KLK3: variants seen among roughly 807,000 people sequenced by gnomAD.
The protein encoded by KLK3 is prostate-specific antigen.
KLK3 carries 23 observed loss-of-function variants against 27.7 expected under a neutral mutation model. That is an observed-to-expected ratio of 0.83 (90% CI 0.60 to 1.17). The LOEUF is 1.17. KLK3 is among the 50% of genes most tolerant of loss of function. The probability of loss-of-function intolerance (pLI) is 0.00; values close to 1 mark genes in which losing one functional copy is unlikely to be tolerated. For missense variants in KLK3, 322 were observed against 338.1 expected (o/e 0.95, Z 0.37); for synonymous variants, 142 against 134.2 (o/e 1.06, Z -0.40).
rs757986467 is a variant in KLK3 at position 50,859,641 on chromosome 19, C to T, written c.631-331C>T. On this transcript the variant is annotated intron_variant, in intron 4 of 4. Transcript: ENST00000326003. ...GTCAGAGAGTAGTCCTGGAAGGTGG[C>T]CTCTGTGAGGAGCCACGGGGACAGC... 15 of 1,610,354 alleles carry T rather than the reference C, an allele frequency of 9.3e-6. No homozygotes were observed. The Admixed American group carries it at 2.0e-4, about 21-fold the overall frequency.
Position 50,859,658 on chromosome 19 carries a change from G to A in KLK3, c.631-314G>A, listed in dbSNP as rs768329109. 20 of 1,606,474 alleles carry A rather than the reference G, an allele frequency of 1.2e-5. No individual in the cohort carries two copies. In the East Asian group the frequency reaches 2.5e-4, roughly 20 times the overall value. Reference sequence around the variant, plus strand: ...GAAGGTGGCCTCTGTGAGGAGCCACGGGGACAGCATCCTGCAGATGGTCCT... The same window carrying A: ...GAAGGTGGCCTCTGTGAGGAGCCACAGGGACAGCATCCTGCAGATGGTCCT... On this transcript the variant is annotated intron_variant, in intron 4 of 4. Coordinates refer to ENST00000326003, the MANE Select transcript of KLK3 (RefSeq NM_001648.2).
chr19:50,859,412 TG>T, intron 4 of KLK3: 2 of 744,312 alleles, frequency 2.7e-6, no homozygotes, highest in Non-Finnish European at 4.6e-6. Context: ...GGAGTGATGA[TG>T]GGGCTGACCT....
chr19:50,857,635 C>T (rs965132016), intron 2 of KLK3: 2 of 170,354 alleles, frequency 1.2e-5, no homozygotes, highest in African/African-American at 4.8e-5. Context: ...TCTCATTCAT[C>T]TGTTTCTCAC....
Position 50,860,409 on chromosome 19 carries a change from A to C in KLK3, c.*282A>C, listed in dbSNP as rs1289720693. ...GGTGTCTGTGTTATTTGTGGGGTAC[A>C]GAGATGAAAGAGGGGTGGGATCCAC... On this transcript the variant is annotated 3_prime_UTR_variant, in exon 5 of 5. Transcript: ENST00000326003. 6.6e-6 allele frequency: 2 copies of C among 304,184 alleles called. No individual in the cohort carries two copies. Among genetic ancestry groups the C allele is most frequent in the Non-Finnish European group, 1.2e-5 (2 of 162,384 alleles). The allele number at this position is 304,184 out of a possible 1,614,324, so 18.8% of individuals were successfully genotyped here.
chr19:50,858,354 G>A lies in KLK3; in HGVS notation c.493+39G>A, dbSNP rs770207029. The A allele has an allele frequency of 2.5e-6, 4 of 1,604,128 alleles. No homozygotes were observed. The African/African-American group carries it at 5.4e-5, about 21-fold the overall frequency. Reference sequence around the variant, plus strand: ...AGATGGTGCAGCCGGGAGCCCAGATGCCTGGGTCTGAGGGAGGAGGGGACA... The same window carrying A: ...AGATGGTGCAGCCGGGAGCCCAGATACCTGGGTCTGAGGGAGGAGGGGACA... On this transcript the variant is annotated intron_variant, in intron 3 of 4. Transcript: ENST00000326003.
In KLK3 at chr19:50,858,052, G is replaced by C. The variant is rs140831892; in HGVS notation, c.230G>C (p.Arg77Pro). The stretch of plus-strand genomic sequence containing the variant: ...AGCAAAAGCGTGATCTTGCTGGGTC[G>C]GCACAGCCTGTTTCATCCTGAAGAC... ...IRNKSVILLG[R>P]HSLFHPEDTG... The change falls in exon 3 of 5, where the codon CGG becomes CCG. Residue 77 changes from arginine (R) to proline (P), a missense_variant. By Grantham distance (103) the Arg-to-Pro change is moderately radical. Transcript: ENST00000326003. 56 of 1,612,240 alleles carry C rather than the reference G, an allele frequency of 3.5e-5. No individual in the cohort carries two copies. In the Admixed American group the frequency reaches 9.2e-4, roughly 26 times the overall value.
chr19:50,859,478 G>A, intron 4 of KLK3: 1 of 1,490,182 alleles, frequency 6.7e-7, no homozygotes, highest in Admixed American at 1.7e-5. Flanking sequence ...CTCCCTCACA[G>A]GCTCCTGGCC....
At chr19:50,856,094 C>G (rs1212424997) in intron 1 of KLK3, 146 bp from the exon 2 acceptor site, 1 of 665,898 alleles carries the variant, frequency 1.5e-6, no homozygotes, top group Non-Finnish European at 2.6e-6. Context: ...CCTTTCCCAG[C>G]TCCCCCTGCC....
intron 4 of KLK3, 185 bp from the exon 5 acceptor site, chr19:50,859,787 G>A (rs2090173159): frequency 2.7e-6 from 4 of 1,468,446 alleles, no homozygotes; most frequent in African/African-American, 1.4e-5. Flanking sequence ...CAGGACTGGA[G>A]CCCCTACCCC....
Position 50,858,282 on chromosome 19 carries a change from G to A in KLK3, c.460G>A (p.Ala154Thr), listed in dbSNP as rs138273452. 50 of 1,613,874 alleles carry A rather than the reference G, an allele frequency of 3.1e-5. 1 individual carries two copies. The South Asian group carries it at 4.6e-4, about 15-fold the overall frequency. Residue 154 changes from alanine (A) to threonine (T), a missense_variant, in exon 3 of 5, where the codon GCC (alanine) becomes ACC (threonine). Coordinates refer to ENST00000326003, the MANE Select transcript of KLK3 (RefSeq NM_001648.2). ...QEPALGTTCY[A>T]SGWGSIEPEE... ...GCCAGCACTGGGGACCACCTGCTAC[G>A]CCTCAGGCTGGGGCAGCATTGAACC...
At chr19:50,855,032 G>A in intron 1 of KLK3, 31 bp downstream of exon 1, 1 of 1,611,288 alleles carries the variant, frequency 6.2e-7, no homozygotes, top group Non-Finnish European at 8.5e-7. Context: ...GGGGATGCAG[G>A]AGAGGGAGCC....
rs1030769084 is a variant in KLK3 at position 50,856,670 on chromosome 19, A to G, written c.206+271A>G. 13 of 419,718 alleles carry G rather than the reference A, an allele frequency of 3.1e-5. 1 individual carries two copies. The Admixed American group carries it at 5.4e-4, about 18-fold the overall frequency. The allele number at this position is 419,718 out of a possible 1,614,324, so 26.0% of individuals were successfully genotyped here. The stretch of plus-strand genomic sequence containing the variant: ...TTCGGTTGTGTCTCTCCGTGTGACT[A>G]TTTTGTTCTCTCTCTCCCTCTCTTC... On this transcript the variant is annotated intron_variant, in intron 2 of 4. Coordinates refer to ENST00000326003, the MANE Select transcript of KLK3 (RefSeq NM_001648.2).
intron 2 of KLK3, chr19:50,857,739 G>T: frequency 3.9e-5 from 11 of 283,950 alleles, no homozygotes; most frequent in Middle Eastern, 1.1e-3. Flanking sequence ...GTGTATTTTC[G>T]GCTCACCTTG....
At chr19:50,859,330 G>GCC (rs201505775) in intron 4 of KLK3, among the ~76,000 whole-genome samples, 57,803 of 151,990 alleles carry the variant, frequency 0.38, 11,516 homozygotes, top group African/African-American at 0.43. Context: ...GCCTGGCTCA[G>GCC]GTGTCCAGAG....
At chr19:50,855,537 G>A (rs748742833) in intron 1 of KLK3, 1 of 156,310 alleles carries the variant, frequency 6.4e-6, no homozygotes, top group Non-Finnish European at 1.4e-5. Context: ...TATCTGGCCT[G>A]AGACAACAAA....
intron 2 of KLK3, among the ~76,000 whole-genome samples, chr19:50,857,174 AAAAAAAAAAG>A (rs1568495641): frequency 2.0e-5 from 3 of 149,742 alleles, no homozygotes; most frequent in Non-Finnish European, 4.5e-5. Context: ...AAAAAAAAAA[AAAAAAAAAAG>A]AAAAGAAAAG....
Position 50,859,985 on chromosome 19 carries a change from G to A in KLK3, c.644G>A (p.Gly215Asp). Residue 215 changes from glycine to aspartate, a missense_variant, in exon 5 of 5, where the codon GGC becomes GAC. Transcript: ENST00000326003. ...GKSTCSGDSGGPLVCNGVLQG... is the reference protein window; with the variant it reads ...GKSTCSGDSGDPLVCNGVLQG... ...TTTTACCCTTAGGGTGATTCTGGGGGCCCACTTGTCTGTAATGGTGTGCTT... is the reference window on the plus strand; with the variant it reads ...TTTTACCCTTAGGGTGATTCTGGGGACCCACTTGTCTGTAATGGTGTGCTT... 6.2e-7 allele frequency: 1 copy of A among 1,612,822 alleles called. No individual in the cohort carries two copies. Among genetic ancestry groups the A allele is most frequent in the Non-Finnish European group, 8.5e-7 (1 of 1,179,102 alleles).
chr19:50,859,322 C>T (rs2090169466), intron 4 of KLK3, among the ~76,000 whole-genome samples: 1 of 117,760 alleles, frequency 8.5e-6, no homozygotes, highest in Admixed American at 7.8e-5. Context: ...AGGACAGGGC[C>T]TGGCTCAGGT....
At chr19:50,857,162 CAAAAAAAAAAA>C (rs560911495) in intron 2 of KLK3, among the ~76,000 whole-genome samples, 1 of 46,416 alleles carries the variant, frequency 2.2e-5, no homozygotes, top group South Asian at 8.3e-4. Flanking sequence ...GACTCCGCCT[CAAAAAAAAAAA>C]AAAAAAAAAA....
Sources: allele counts gnomAD v4.1 joint callset (sites outside exome capture counted in the v4.1 genomes callset), GRCh38; gene constraint gnomAD v4.1.1; transcripts MANE v1.5; gene names NCBI Gene and HGNC (gene_info 2026-07-23, HGNC 2026-07-21).